The following BAIAP2 variants were observed in gnomAD, a reference collection of about 807,000 sequenced individuals.
The protein encoded by BAIAP2 is BAR/IMD domain-containing adapter protein 2.
A neutral mutation model predicts 63.0 loss-of-function variants in BAIAP2; 18 were observed. The ratio of observed to expected loss-of-function variants is 0.29; its 90% CI spans 0.20 to 0.42. BAIAP2 has a LOEUF of 0.42. Ranked by LOEUF, BAIAP2 falls within the 10% of genes least tolerant of loss-of-function variation. The pLI is 1.00. For missense variants in BAIAP2, 610 were observed against 734.3 expected, an observed-to-expected ratio of 0.83 and a Z score of 1.96; for synonymous variants, 386 against 307.6, an observed-to-expected ratio of 1.25 and a Z score of -2.67.
At chr17:81,087,248 T>TAGAAGCTTCTGGGCTGC (rs2055834795) in intron 6 of BAIAP2, among the ~76,000 whole-genome samples, 1 of 152,206 alleles carries the variant, frequency 6.6e-6, no homozygotes, top group South Asian at 2.1e-4. Flanking sequence ...GTCACCCAGG[T>TAGAAGCTTCTGGGCTGC]AGAAGCTTCT....
At chr17:81,037,211 T>C (rs958246876) in intron 1 of BAIAP2, among the ~76,000 whole-genome samples, 1 of 152,216 alleles carries the variant, frequency 6.6e-6, no homozygotes, top group African/African-American at 2.4e-5. Flanking sequence ...ACGGGTGGGT[T>C]AATTGGTGAT....
At chr17:81,039,140 C>T (rs765813870) in intron 1 of BAIAP2, among the ~76,000 whole-genome samples, 14 of 152,216 alleles carry the variant, frequency 9.2e-5, no homozygotes, top group African/African-American at 2.9e-4. Context: ...CTGTGTTACC[C>T]GCCCTCGCCA....
intron 1 of BAIAP2, among the ~76,000 whole-genome samples, chr17:81,042,365 A>G (rs1365544565): frequency 6.6e-6 from 1 of 151,336 alleles, no homozygotes; most frequent in Non-Finnish European, 1.5e-5. Context: ...TATGTTGCCC[A>G]GGCTGGTCTT....
chr17:81,084,873 C>G lies in BAIAP2; in HGVS notation c.259C>G (p.Gln87Glu), dbSNP rs1473164792. 1.2e-6 allele frequency: 2 copies of G among 1,613,738 alleles called. No homozygotes were observed. The highest frequency in any genetic ancestry group is 1.7e-6 in the Non-Finnish European group (2 of 1,180,014). ...GATGGCTGAAGTCCACAGGCAGATC[C>G]AGAATCAGCTGGAAGAAATGGTGAG... is the stretch of plus-strand genomic sequence containing the variant. The part of the protein sequence containing the change: ...FQMAEVHRQI[Q>E]NQLEEMLKSF... Residue 87 changes from glutamine to glutamate, a missense_variant, in exon 4 of 14, where the codon CAG (glutamine) becomes GAG (glutamate). By Grantham distance (29) the Gln-to-Glu change is conservative. Coordinates refer to ENST00000428708, the MANE Select transcript of BAIAP2 (RefSeq NM_001144888.2).
intron 1 of BAIAP2, among the ~76,000 whole-genome samples, chr17:81,051,409 G>T (rs11871791): frequency 0.63 from 95,190 of 151,962 alleles, 30,267 homozygotes; most frequent in Non-Finnish European, 0.69. Flanking sequence ...TTGTATTTAT[G>T]TATTTTTTTG....
intron 6 of BAIAP2, among the ~76,000 whole-genome samples, chr17:81,096,885 T>C (rs1041223938): frequency 3.3e-5 from 5 of 152,306 alleles, no homozygotes; most frequent in African/African-American, 4.8e-5. Context: ...GGTAGGTGCA[T>C]GTTGCATAAC....
chr17:81,039,352 G>A (rs920558933), intron 1 of BAIAP2, among the ~76,000 whole-genome samples: 6 of 152,218 alleles, frequency 3.9e-5, no homozygotes, highest in Non-Finnish European at 8.8e-5. Context: ...CTTGCTCAGC[G>A]TCCCATGCCT....
Position 81,057,979 on chromosome 17 carries a change from C to T in BAIAP2, c.217+12C>T, listed in dbSNP as rs768668264. The T allele has an allele frequency of 1.3e-5, 14 of 1,084,500 alleles. No homozygotes were observed. Among genetic ancestry groups the T allele is most frequent in the East Asian group, 7.5e-5 (2 of 26,602 alleles). 67.2% of individuals were successfully genotyped at this position (1,084,500 alleles called of 1,614,324 possible). A position where few individuals can be genotyped will look rare whatever the true frequency, so the allele number is the denominator to read the frequency against. On this transcript the variant is annotated intron_variant, in intron 3 of 13. Coordinates refer to ENST00000428708, the MANE Select transcript of BAIAP2 (RefSeq NM_001144888.2). ...CTCCAAAGAACTCGGTGAGACCCCC[C>T]CCCCCCCCCCGCCTGGTAGTCGCCT...
At chr17:81,108,739 C>G (rs1241683578) in intron 13 of BAIAP2, 1 of 875,770 alleles carries the variant, frequency 1.1e-6, no homozygotes, top group African/African-American at 1.7e-5. Flanking sequence ...CCGGCCCCAT[C>G]CATCCCTGTC....
chr17:81,097,581 ATCT>A (rs1381420301), intron 6 of BAIAP2: 4 of 152,412 alleles, frequency 2.6e-5, no homozygotes, highest in South Asian at 4.1e-4. Context: ...CGGAGGCCGC[ATCT>A]TCTTAAGAGC....
chr17:81,088,681 C>T (rs2056160619), intron 6 of BAIAP2, among the ~76,000 whole-genome samples: 2 of 152,222 alleles, frequency 1.3e-5, no homozygotes, highest in African/African-American at 2.4e-5. Flanking sequence ...CTGCGCCAGC[C>T]TCCTCCCCTC....
rs781609896 is a variant in BAIAP2, at chr17:81,116,334, G to T, written c.*495G>T. On this transcript the variant is annotated 3_prime_UTR_variant, in exon 14 of 14. Coordinates refer to ENST00000428708, the MANE Select transcript of BAIAP2 (RefSeq NM_001144888.2). ...TCCCGTAAGCACGTAATTCCCTGCAGGTCCGGCAGCTACACCTGGAGTGTG... is the reference window on the plus strand; with the variant it reads ...TCCCGTAAGCACGTAATTCCCTGCATGTCCGGCAGCTACACCTGGAGTGTG... 3 of 1,612,084 alleles carry T rather than the reference G, an allele frequency of 1.9e-6. No homozygotes were observed. Among genetic ancestry groups the T allele is most frequent in the Non-Finnish European group, 2.5e-6 (3 of 1,179,608 alleles).
At chr17:81,066,719 A>G (rs556253965) in intron 3 of BAIAP2, among the ~76,000 whole-genome samples, 5 of 152,326 alleles carry the variant, frequency 3.3e-5, no homozygotes, top group African/African-American at 9.6e-5. Context: ...CGGAAGCACC[A>G]TCTCATGTCA....
intron 3 of BAIAP2, among the ~76,000 whole-genome samples, chr17:81,084,199 G>A (rs1487950157): frequency 6.6e-6 from 1 of 152,194 alleles, no homozygotes; most frequent in Non-Finnish European, 1.5e-5. Context: ...CCAGGCCAGC[G>A]TGCACCAGGG....
At position 81,086,504 on chromosome 17, in the gene BAIAP2, A is replaced by T. The variant is rs2055670146; in HGVS notation, c.413A>T (p.Gln138Leu). The change falls in exon 6 of 14, where the codon CAG becomes CTG. Residue 138 changes from glutamine (Q) to leucine (L), a missense_variant. Gln to Leu is a moderately radical substitution (Grantham distance 113). This residue lies in a region of BAIAP2 where 389 missense variants were observed against 455.6 expected (regional missense o/e 0.85). Coordinates refer to ENST00000428708, the MANE Select transcript of BAIAP2 (RefSeq NM_001144888.2). Reference sequence around the variant, plus strand: ...AAAGGCGACGCCCTGGACAAGTGTCAGGCTGAGCTGAAGAAGCTTCGGAAG... The same window carrying T: ...AAAGGCGACGCCCTGGACAAGTGTCTGGCTGAGCTGAAGAAGCTTCGGAAG... The part of the protein sequence containing the change: ...RSKGDALDKC[Q>L]AELKKLRKKS... 1 of 1,614,056 alleles carries T rather than the reference A, an allele frequency of 6.2e-7. No homozygotes were observed. The highest frequency in any genetic ancestry group is 1.7e-5 in the Admixed American group (1 of 60,018).
chr17:81,109,398 A>C (rs1411043164), intron 13 of BAIAP2: 3 of 1,025,370 alleles, frequency 2.9e-6, no homozygotes, highest in Non-Finnish European at 3.5e-6. Context: ...AAAAAAAAGA[A>C]AAAAAGAAAA....
At chr17:81,085,582 G>T (rs747657155) in intron 4 of BAIAP2, 72 bp from the exon 5 acceptor site, 2 of 1,336,812 alleles carry the variant, frequency 1.5e-6, no homozygotes. Flanking sequence ...ATCCGCTCTA[G>T]CCCTGCCCTG....
intron 3 of BAIAP2, chr17:81,083,395 T>A (rs1303240875): frequency 6.6e-6 from 1 of 152,216 alleles, no homozygotes; most frequent in Non-Finnish European, 1.5e-5. Flanking sequence ...TCTGTTTGTG[T>A]CCGCAGCACG....
At chr17:81,036,395 C>T (rs771360696) in intron 1 of BAIAP2, among the ~76,000 whole-genome samples, 1 of 152,262 alleles carries the variant, frequency 6.6e-6, no homozygotes, top group Non-Finnish European at 1.5e-5. Flanking sequence ...GGCTTGCACC[C>T]TGCCCGGCAG....
Sources: allele counts gnomAD v4.1 joint callset (sites outside exome capture counted in the v4.1 genomes callset), GRCh38; gene constraint gnomAD v4.1.1; regional missense constraint gnomAD v4.1.1; transcripts MANE v1.5; gene names NCBI Gene and HGNC (gene_info 2026-07-23, HGNC 2026-07-21).